The following SMG6 variants were observed in gnomAD, a reference collection of about 807,000 sequenced individuals.
SMG6 encodes telomerase-binding protein EST1A.
In SMG6, 66 loss-of-function variants were observed where a neutral mutation model predicts 142.2. The observed-to-expected ratio is 0.46, with a 90% CI of 0.38 to 0.57. SMG6 has a LOEUF of 0.57. Ranked by LOEUF, SMG6 falls within the 20% of genes least tolerant of loss-of-function variation. The pLI is 0.00. For synonymous variants in SMG6, 779 were observed against 702.4 expected (o/e 1.11, Z -1.72); for missense variants, 1,793 against 1,832.0 (o/e 0.98, Z 0.39).
At chr17:2,180,703 A>AT (rs146374229) in intron 12 of SMG6, among the ~76,000 whole-genome samples, 5 of 152,318 alleles carry the variant, frequency 3.3e-5, no homozygotes, top group Non-Finnish European at 7.3e-5. Flanking sequence ...CTCTAACTGC[A>AT]TAAGGAAAGA....
chr17:2,101,948 G>A (rs1232495934), intron 13 of SMG6, among the ~76,000 whole-genome samples: 2 of 144,798 alleles, frequency 1.4e-5, no homozygotes, highest in Non-Finnish European at 3.0e-5. Context: ...CTCTTCTCTT[G>A]CCTGGAAATT....
intron 10 of SMG6, among the ~76,000 whole-genome samples, chr17:2,231,521 C>T (rs2073493462): frequency 6.6e-6 from 1 of 152,074 alleles, no homozygotes; most frequent in South Asian, 2.1e-4. Flanking sequence ...CATGGTGAAA[C>T]CCCCGTCTCT....
intron 13 of SMG6, among the ~76,000 whole-genome samples, chr17:2,114,867 T>C (rs1306451539): frequency 7.5e-6 from 1 of 132,570 alleles, no homozygotes; most frequent in East Asian, 2.1e-4. Context: ...AGGCGGAGGT[T>C]GTGGAGTCGA....
chr17:2,138,822 T>C (rs2151567475), intron 13 of SMG6, among the ~76,000 whole-genome samples: 1 of 152,346 alleles, frequency 6.6e-6, no homozygotes, highest in Non-Finnish European at 1.5e-5. Flanking sequence ...TCTTGGGATC[T>C]AAAGCAATTA....
chr17:2,215,079 T>C (rs920428615), intron 10 of SMG6, among the ~76,000 whole-genome samples: 3 of 152,282 alleles, frequency 2.0e-5, no homozygotes, highest in African/African-American at 7.2e-5. Flanking sequence ...TAGCTTTGGA[T>C]AAAACACAGC....
chr17:2,216,027 C>G (rs997293209), intron 10 of SMG6: 1 of 152,366 alleles, frequency 6.6e-6, no homozygotes, highest in South Asian at 2.1e-4. Flanking sequence ...GTGCATCTCG[C>G]GCTCTCCCTC....
intron 13 of SMG6, among the ~76,000 whole-genome samples, chr17:2,167,094 T>G (rs959350302): frequency 3.4e-5 from 4 of 117,122 alleles, no homozygotes; most frequent in African/African-American, 1.3e-4. Context: ...ATCACACCAC[T>G]GCACTCCAGC....
intron 10 of SMG6, among the ~76,000 whole-genome samples, chr17:2,235,025 ACAGGAGGGCACCT>A (rs1159339850): frequency 2.0e-5 from 3 of 152,198 alleles, no homozygotes; most frequent in Admixed American, 6.5e-5. Context: ...ATGGGAATGA[ACAGGAGGGCACCT>A]CAGGAGGGCC....
At chr17:2,147,707 T>C (rs1483333378) in intron 13 of SMG6, among the ~76,000 whole-genome samples, 1 of 152,222 alleles carries the variant, frequency 6.6e-6, no homozygotes, top group Non-Finnish European at 1.5e-5. Flanking sequence ...TCGACATCAC[T>C]TGTCATTAGG....
intron 17 of SMG6, 147 bp from the exon 18 acceptor site, chr17:2,065,301 T>A: frequency 1.0e-6 from 1 of 988,458 alleles, no homozygotes; most frequent in Non-Finnish European, 1.6e-6. Context: ...TGGCCTGATC[T>A]GACTGTGCTA....
intron 13 of SMG6, among the ~76,000 whole-genome samples, chr17:2,140,190 G>A (rs931235950): frequency 1.3e-5 from 2 of 152,080 alleles, no homozygotes; most frequent in Non-Finnish European, 2.9e-5. Flanking sequence ...AAACTCCCAA[G>A]TAGCTGGGAC....
intron 13 of SMG6, among the ~76,000 whole-genome samples, chr17:2,124,222 G>A (rs530675342): frequency 1.3e-5 from 2 of 152,336 alleles, no homozygotes; most frequent in African/African-American, 4.8e-5. Context: ...CAGATCAACT[G>A]TAGTGTGGGA....
chr17:2,148,725 G>A (rs1387669608), intron 13 of SMG6, among the ~76,000 whole-genome samples: 1 of 152,088 alleles, frequency 6.6e-6, no homozygotes, highest in Admixed American at 6.6e-5. Context: ...CAGGTGTGGT[G>A]GCAGGCACCT....
intron 13 of SMG6, among the ~76,000 whole-genome samples, chr17:2,090,059 G>A (rs1337299747): frequency 6.6e-6 from 1 of 151,544 alleles, no homozygotes; most frequent in Non-Finnish European, 1.5e-5. Flanking sequence ...TAGTACATGT[G>A]GTAGTCCCAG....
intron 13 of SMG6, among the ~76,000 whole-genome samples, chr17:2,114,427 C>T (rs529474822): frequency 2.8e-4 from 43 of 152,308 alleles, no homozygotes; most frequent in African/African-American, 9.9e-4. Context: ...AAGCATCCAT[C>T]AGTACTAGGC....
At chr17:2,121,908 T>C (rs1170691188) in intron 13 of SMG6, among the ~76,000 whole-genome samples, 1 of 152,074 alleles carries the variant, frequency 6.6e-6, no homozygotes, top group East Asian at 1.9e-4. Flanking sequence ...TCTCAGCTCA[T>C]TGCAACCTCT....
intron 8 of SMG6, among the ~76,000 whole-genome samples, chr17:2,258,968 G>A (rs750523614): frequency 6.6e-6 from 1 of 151,720 alleles, no homozygotes; most frequent in African/African-American, 2.4e-5. Flanking sequence ...ATCCCAGCTA[G>A]TTGGGAGGCT....
intron 13 of SMG6, among the ~76,000 whole-genome samples, chr17:2,130,781 T>C (rs909745360): frequency 6.8e-6 from 1 of 147,406 alleles, no homozygotes; most frequent in African/African-American, 2.5e-5. Context: ...GCCAGGCGGG[T>C]GGATCACAAG....
chr17:2,179,512 C>G (rs2151669959), intron 12 of SMG6, among the ~76,000 whole-genome samples: 1 of 152,264 alleles, frequency 6.6e-6, no homozygotes, highest in African/African-American at 2.4e-5. Context: ...CCCTACGACC[C>G]TTCTCCAGTG....
Sources: allele counts gnomAD v4.1 joint callset (sites outside exome capture counted in the v4.1 genomes callset), GRCh38; gene constraint gnomAD v4.1.1; transcripts MANE v1.5; gene names NCBI Gene and HGNC (gene_info 2026-07-23, HGNC 2026-07-21).